Variants in NRG1 observed in about 807,000 individuals in gnomAD.
NRG1 encodes the protein pro-neuregulin-1, membrane-bound isoform.
In NRG1, 18 loss-of-function variants were observed where a neutral mutation model predicts 63.8. That is an observed-to-expected ratio of 0.28 (90% CI 0.19 to 0.42). The LOEUF (loss-of-function observed/expected upper bound fraction) is 0.42. Ranked by LOEUF, NRG1 falls within the 10% of genes least tolerant of loss-of-function variation. The pLI, the probability that NRG1 is intolerant of heterozygous loss-of-function variation, is 1.00. For missense variants in NRG1, 762 were observed against 814.7 expected, an observed-to-expected ratio of 0.94 and a Z score of 0.79; for synonymous variants, 302 against 301.3, an observed-to-expected ratio of 1.00 and a Z score of -0.02.
rs544605629 is a variant in NRG1 at position 32,290,005 on chromosome 8, T to C, written c.38-305823T>C. 5.9e-5 allele frequency among the ~76,000 whole-genome samples: 9 copies of C among 152,118 alleles called. No individual in the cohort carries two copies. In the South Asian group the frequency reaches 1.9e-3, roughly 32 times the overall value. On this transcript the variant is annotated intron_variant, in intron 1 of 10. Transcript: ENST00000519301. Reference sequence around the variant, plus strand: ...CCTGTAATCTCAGTGCTTTTGGAGGTGAAGCCAGGAGAATCACTCAAAGCC... The same window carrying C: ...CCTGTAATCTCAGTGCTTTTGGAGGCGAAGCCAGGAGAATCACTCAAAGCC...
At chr8:32,193,745 A>G (rs1211444571) in intron 1 of NRG1, among the ~76,000 whole-genome samples, 1 of 152,208 alleles carries the variant, frequency 6.6e-6, no homozygotes. Context: ...AAGGTAATTA[A>G]GTTAAAATGA....
At chr8:32,519,879 G>A (rs1830170908) in intron 1 of NRG1, among the ~76,000 whole-genome samples, 1 of 152,110 alleles carries the variant, frequency 6.6e-6, no homozygotes, top group Non-Finnish European at 1.5e-5. Flanking sequence ...GTTTTCTTGT[G>A]TATTGGAGGT....
intron 5 of NRG1, among the ~76,000 whole-genome samples, chr8:32,677,500 T>C (rs921989461): frequency 6.6e-6 from 1 of 151,850 alleles, no homozygotes; most frequent in African/African-American, 2.4e-5. Flanking sequence ...CTACAAAATA[T>C]ACAAAAAATT....
At chr8:32,579,896 C>A (rs567102096) in intron 1 of NRG1, among the ~76,000 whole-genome samples, 1 of 152,264 alleles carries the variant, frequency 6.6e-6, no homozygotes, top group Admixed American at 6.5e-5. Flanking sequence ...AAATCATTTT[C>A]TTGCCTTTTT....
At chr8:32,760,828 T>A (rs905527787) in intron 11 of NRG1, 1 of 1,015,094 alleles carries the variant, frequency 9.9e-7, no homozygotes, top group African/African-American at 1.7e-5. Context: ...GGCCTCGTGT[T>A]CTTATCTGCT....
chr8:32,074,206 C>G (rs116438806), intron 1 of NRG1, among the ~76,000 whole-genome samples: 1,660 of 152,268 alleles, frequency 0.011, 28 homozygotes, highest in African/African-American at 0.038. Flanking sequence ...ACTTTCCTCA[C>G]TGCAATGAAG....
At chr8:31,745,531 TAGG>T (rs1586100681) in intron 1 of NRG1, among the ~76,000 whole-genome samples, 1 of 151,924 alleles carries the variant, frequency 6.6e-6, no homozygotes, top group East Asian at 1.9e-4. Context: ...CTGGAGGTAA[TAGG>T]AGAACAAACT....
At chr8:32,208,547 C>T (rs1306495922) in intron 1 of NRG1, among the ~76,000 whole-genome samples, 3 of 151,984 alleles carry the variant, frequency 2.0e-5, no homozygotes, top group Admixed American at 6.6e-5. Context: ...CGTGAACCAC[C>T]GGGCCCAGCC....
intron 1 of NRG1, among the ~76,000 whole-genome samples, chr8:32,289,205 C>A (rs1218175172): frequency 6.6e-6 from 1 of 152,278 alleles, no homozygotes; most frequent in African/African-American, 2.4e-5. Context: ...AACCCTTCAC[C>A]TTTGTAAGCT....
intron 3 of NRG1, among the ~76,000 whole-genome samples, chr8:32,610,537 T>TA (rs1337462601): frequency 6.6e-6 from 1 of 152,172 alleles, no homozygotes; most frequent in Non-Finnish European, 1.5e-5. Flanking sequence ...ACGAAATGAT[T>TA]AAAAAATTAG....
chr8:32,340,447 T>C (rs1289487100), intron 1 of NRG1, among the ~76,000 whole-genome samples: 1 of 152,184 alleles, frequency 6.6e-6, no homozygotes, highest in African/African-American at 2.4e-5. Context: ...TCTGTCTCTT[T>C]CCACCTGCTA....
At chr8:32,157,179 G>A (rs1483799169) in intron 1 of NRG1, among the ~76,000 whole-genome samples, 3 of 150,454 alleles carry the variant, frequency 2.0e-5, no homozygotes, top group African/African-American at 4.9e-5. Context: ...AAGACCAGCT[G>A]GCCAACATGG....
At chr8:32,449,185 T>C (rs1260429822) in intron 1 of NRG1, among the ~76,000 whole-genome samples, 1 of 152,028 alleles carries the variant, frequency 6.6e-6, no homozygotes, top group East Asian at 1.9e-4. Context: ...CAGTCCCAGA[T>C]ACTCAGGAGG....
At chr8:32,183,815 A>T (rs1384849753) in intron 1 of NRG1, among the ~76,000 whole-genome samples, 1 of 152,202 alleles carries the variant, frequency 6.6e-6, no homozygotes, top group Non-Finnish European at 1.5e-5. Flanking sequence ...TAGGCTCTGC[A>T]GCTCTTTAAT....
At chr8:32,213,242 G>T (rs1844867195) in intron 1 of NRG1, among the ~76,000 whole-genome samples, 1 of 152,094 alleles carries the variant, frequency 6.6e-6, no homozygotes, top group East Asian at 1.9e-4. Context: ...ACTGGATAAA[G>T]AAAATGTGGT....
At chr8:32,768,429 A>G (rs1485473142), downstream of NRG1, among the ~76,000 whole-genome samples, 1 of 152,220 alleles carries the variant, frequency 6.6e-6, no homozygotes, top group Non-Finnish European at 1.5e-5. Context: ...ACACCTGGCC[A>G]TGCTAAGCTT....
rs34853603 is a variant in NRG1, at chr8:32,091,277, CA to C, written c.37+451861del. On this transcript the variant is annotated intron_variant, in intron 1 of 10. Transcript: ENST00000519301. ...TAGGCGACAGAGCGAGACTTGGTCT[CA>C]AAAAAAAAAAAAAAGAAGTAATTGG... Among the ~76,000 whole-genome samples, 776 of 119,200 alleles carry C rather than the reference CA, an allele frequency of 6.5e-3. 1 individual carries two copies. Among genetic ancestry groups the C allele is most frequent in the African/African-American group, 0.014 (462 of 32,314 alleles). 78.2% of individuals were successfully genotyped at this position (119,200 alleles called of 152,430 possible).
intron 5 of NRG1, among the ~76,000 whole-genome samples, chr8:32,643,012 A>AT (rs1035980061): frequency 7.9e-5 from 12 of 152,320 alleles, no homozygotes; most frequent in East Asian, 1.9e-4. Context: ...GAATTCTAGT[A>AT]TTTTTTATTT....
chr8:32,180,926 C>T (rs920179011), intron 1 of NRG1, among the ~76,000 whole-genome samples: 30 of 152,086 alleles, frequency 2.0e-4, no homozygotes, highest in African/African-American at 7.2e-4. Context: ...ACTCTCTGTC[C>T]TGAGTAACCA....
Sources: gnomAD v4.1 joint callset for allele counts (sites outside exome capture counted in the v4.1 genomes callset) on GRCh38, gnomAD v4.1.1 for gene constraint, MANE v1.5 for transcripts, NCBI Gene and HGNC (gene_info 2026-07-23, HGNC 2026-07-21) for gene names.